The following SEC23A variants were observed in gnomAD, a reference collection of about 807,000 sequenced individuals.
The protein encoded by SEC23A is protein transport protein Sec23A.
Under a neutral mutation model 103.7 loss-of-function variants are expected in SEC23A, and 56 were observed. The ratio of observed to expected loss-of-function variants is 0.54; its 90% CI spans 0.44 to 0.67. The LOEUF (loss-of-function observed/expected upper bound fraction) is 0.67, where lower values mean the gene tolerates loss of function less well. Among genes scored for constraint, SEC23A ranks in the 30% least tolerant of loss-of-function variants. The pLI, the probability that SEC23A is intolerant of heterozygous loss-of-function variation, is 0.00. For missense variants in SEC23A, 784 were observed against 936.4 expected, an observed-to-expected ratio of 0.84 and a Z score of 2.12; for synonymous variants, 281 against 293.0, an observed-to-expected ratio of 0.96 and a Z score of 0.42.
At position 39,093,074 on chromosome 14, in the gene SEC23A, A is replaced by G. The variant is rs567336460; in HGVS notation, c.279+113T>C. 1.5e-5 allele frequency: 12 copies of G among 788,526 alleles called. No homozygotes were observed. In the East Asian group the frequency reaches 3.3e-4, roughly 21 times the overall value. The allele number at this position is 788,526 out of a possible 1,614,324, so 48.8% of individuals were successfully genotyped here. A position where few individuals can be genotyped will look rare whatever the true frequency, so the allele number is the denominator to read the frequency against. On this transcript the variant is annotated intron_variant, in intron 3 of 19. Coordinates refer to ENST00000307712, the MANE Select transcript of SEC23A (RefSeq NM_006364.4). ...AGTAGAGACGGGGTTTCACTGTGTTAGCCAGGATGGTCTCAATCTCCTGAC... is the reference window on the plus strand; with the variant it reads ...AGTAGAGACGGGGTTTCACTGTGTTGGCCAGGATGGTCTCAATCTCCTGAC...
At chr14:39,055,435 T>G (rs989941194) in intron 13 of SEC23A, 139 bp from the exon 14 acceptor site, 6 of 776,080 alleles carry the variant, frequency 7.7e-6, no homozygotes, top group African/African-American at 5.5e-5. Flanking sequence ...TGAGACAGAG[T>G]CTCGCTCTGT....
At chr14:39,060,554 C>T (rs1886439919) in intron 13 of SEC23A, among the ~76,000 whole-genome samples, 1 of 152,150 alleles carries the variant, frequency 6.6e-6, no homozygotes. Context: ...TCAAGACAAA[C>T]AGAAATAAAG....
chr14:39,083,193 C>T (rs942782947), intron 7 of SEC23A, among the ~76,000 whole-genome samples: 1 of 152,160 alleles, frequency 6.6e-6, no homozygotes, highest in Non-Finnish European at 1.5e-5. Flanking sequence ...AATCATTAAA[C>T]TAAAGGGATA....
At chr14:39,077,464 C>A (rs1314724921) in intron 7 of SEC23A, among the ~76,000 whole-genome samples, 1 of 151,764 alleles carries the variant, frequency 6.6e-6, no homozygotes, top group Admixed American at 6.6e-5. Context: ...ATTGCTTGAA[C>A]CCGGGAGGTG....
intron 9 of SEC23A, among the ~76,000 whole-genome samples, chr14:39,072,121 A>C (rs1293645963): frequency 6.6e-6 from 1 of 151,628 alleles, no homozygotes; most frequent in African/African-American, 2.4e-5. Context: ...AATTCCAGCT[A>C]CTGGGGAAGC....
chr14:39,042,890 A>G lies in SEC23A; in HGVS notation c.1900-18T>C. ...AGAACCGGCTAACGTAAAGAAAACAATGAGAAATGAGGAAAAAGGAAAAAT... is the reference window on the plus strand; with the variant it reads ...AGAACCGGCTAACGTAAAGAAAACAGTGAGAAATGAGGAAAAAGGAAAAAT... On this transcript the variant is annotated intron_variant, in intron 16 of 19. Coordinates refer to ENST00000307712, the MANE Select transcript of SEC23A (RefSeq NM_006364.4). 6.5e-7 allele frequency: 1 copy of G among 1,530,748 alleles called. No individual in the cohort carries two copies. The highest frequency in any genetic ancestry group is 1.1e-5 in the South Asian group (1 of 89,320). The allele number at this position is 1,530,748 out of a possible 1,614,324, so 94.8% of individuals were successfully genotyped here.
At position 39,033,332 on chromosome 14, in the gene SEC23A, G is replaced by GA. The variant is rs781457225; in HGVS notation, c.2209-5dup. On this transcript the variant is annotated splice_polypyrimidine_tract_variant and splice_region_variant and intron_variant, in intron 19 of 19. Transcript: ENST00000307712. ...TAAGAATAGGTGCTCCAGACTCCTAGAGGAAAAAAGATATTTGTTATGATT... is the reference window on the plus strand; with the variant it reads ...TAAGAATAGGTGCTCCAGACTCCTAGAAGGAAAAAAGATATTTGTTATGATT... 21 of 1,443,962 alleles carry GA rather than the reference G, an allele frequency of 1.5e-5. No individual in the cohort carries two copies. The highest frequency in any genetic ancestry group is 1.7e-5 in the Non-Finnish European group (18 of 1,085,150). The allele number at this position is 1,443,962 out of a possible 1,614,324, so 89.4% of individuals were successfully genotyped here.
rs1013244872 is a variant in SEC23A, at chr14:39,049,028, A to G, written c.1660-299T>C. 3.3e-5 allele frequency among the ~76,000 whole-genome samples: 5 copies of G among 152,028 alleles called. No individual in the cohort carries two copies. The South Asian group carries it at 1.0e-3, about 32-fold the overall frequency. On this transcript the variant is annotated intron_variant, in intron 14 of 19. Coordinates refer to ENST00000307712, the MANE Select transcript of SEC23A (RefSeq NM_006364.4). Reference sequence around the variant, plus strand: ...TAAAGAGCTCTTAGATAACAACAAAAAAGCTCAACACGTGCCTTAAAACAC... The same window carrying G: ...TAAAGAGCTCTTAGATAACAACAAAGAAGCTCAACACGTGCCTTAAAACAC...
At chr14:39,054,856 G>A (rs1886187429) in intron 14 of SEC23A, among the ~76,000 whole-genome samples, 2 of 152,116 alleles carry the variant, frequency 1.3e-5, no homozygotes, top group South Asian at 4.1e-4. Flanking sequence ...CAATAATATA[G>A]AATTAAATTG....
chr14:39,041,068 A>G (rs1261474877), intron 17 of SEC23A, 181 bp from the exon 18 acceptor site: 2 of 611,996 alleles, frequency 3.3e-6, no homozygotes, highest in Middle Eastern at 4.7e-4. Flanking sequence ...ATATAAAATT[A>G]GAATATTTCT....
intron 3 of SEC23A, 29 bp downstream of exon 3, chr14:39,093,158 C>T (rs757252385): frequency 3.0e-5 from 48 of 1,604,426 alleles, no homozygotes; most frequent in East Asian, 6.7e-5. Context: ...TGAGCCACTG[C>T]GCCCGGCATG....
intron 14 of SEC23A, among the ~76,000 whole-genome samples, chr14:39,050,123 G>A (rs1457693694): frequency 5.3e-5 from 8 of 152,066 alleles, no homozygotes; most frequent in Admixed American, 2.6e-4. Context: ...CTTGAGTCAC[G>A]AGGAGCAGTC....
chr14:39,042,136 T>C (rs1018706398), intron 17 of SEC23A, among the ~76,000 whole-genome samples: 7 of 152,064 alleles, frequency 4.6e-5, no homozygotes, highest in African/African-American at 1.4e-4. Context: ...AAAAAATAAA[T>C]CTGCAGAACT....
At position 39,032,136 on chromosome 14, in the gene SEC23A, T is replaced by G. The variant is rs577282128; in HGVS notation, c.*1103A>C. 6.5e-6 allele frequency: 1 copy of G among 152,770 alleles called. No homozygotes were observed. The highest frequency in any genetic ancestry group is 6.5e-5 in the Admixed American group (1 of 15,304). The allele number at this position is 152,770 out of a possible 1,614,324, so 9.5% of individuals were successfully genotyped here. On this transcript the variant is annotated 3_prime_UTR_variant, in exon 20 of 20. Coordinates refer to ENST00000307712, the MANE Select transcript of SEC23A (RefSeq NM_006364.4). ...TAGCACCACCTTTTATTTGCAGTAC[T>G]TGATATGTAAATTTCATTGTCAAAA...
intron 1 of SEC23A, among the ~76,000 whole-genome samples, chr14:39,098,504 A>G (rs1418958744): frequency 6.6e-6 from 1 of 152,182 alleles, no homozygotes; most frequent in Non-Finnish European, 1.5e-5. Context: ...GGCCAGGCAC[A>G]GTGGCTCACG....
chr14:39,072,334 T>C (rs1886867579), intron 9 of SEC23A, among the ~76,000 whole-genome samples: 1 of 151,770 alleles, frequency 6.6e-6, no homozygotes, highest in South Asian at 2.1e-4. Flanking sequence ...TTTAACTCAA[T>C]AAAAAGAAAA....
At chr14:39,097,950 A>G (rs1227865449) in intron 1 of SEC23A, among the ~76,000 whole-genome samples, 2 of 152,060 alleles carry the variant, frequency 1.3e-5, no homozygotes, top group Non-Finnish European at 2.9e-5. Flanking sequence ...TTAGCTGGGC[A>G]GGGTGGCATG....
chr14:39,056,719 T>G (rs1886263834), intron 13 of SEC23A, among the ~76,000 whole-genome samples: 1 of 152,028 alleles, frequency 6.6e-6, no homozygotes, highest in African/African-American at 2.4e-5. Context: ...CACCTGAACC[T>G]CCCAAAGTGC....
chr14:39,053,039 G>T (rs576944934), intron 14 of SEC23A, among the ~76,000 whole-genome samples: 2 of 152,184 alleles, frequency 1.3e-5, no homozygotes, highest in Non-Finnish European at 2.9e-5. Flanking sequence ...AGAGGCGGAG[G>T]CAGGAGAATC....
Sources: allele counts gnomAD v4.1 joint callset (sites outside exome capture counted in the v4.1 genomes callset), GRCh38; gene constraint gnomAD v4.1.1; transcripts MANE v1.5; gene names NCBI Gene and HGNC (gene_info 2026-07-23, HGNC 2026-07-21).